The following SRP72 variants were observed in gnomAD, a reference collection of about 807,000 sequenced individuals.
The protein encoded by SRP72 is signal recognition particle subunit SRP72.
Under a neutral mutation model 96.3 loss-of-function variants are expected in SRP72, and 49 were observed. The observed-to-expected ratio is 0.51, with a 90% CI of 0.40 to 0.65. The LOEUF (loss-of-function observed/expected upper bound fraction) is 0.65. Ranked by LOEUF, SRP72 falls within the 30% of genes least tolerant of loss-of-function variation. SRP72 has a pLI of 0.00. For synonymous variants in SRP72, 267 were observed against 275.2 expected, an observed-to-expected ratio of 0.97 and a Z score of 0.30; for missense variants, 736 against 793.3, an observed-to-expected ratio of 0.93 and a Z score of 0.87.
intron 16 of SRP72, among the ~76,000 whole-genome samples, chr4:56,492,106 TGGGCACCACGCCCAG>T: frequency 6.6e-6 from 1 of 152,360 alleles, no homozygotes; most frequent in South Asian, 2.1e-4. Context: ...CCCAAAGTGC[TGGGCACCACGCCCAG>T]TTATTTTTTA....
intron 6 of SRP72, among the ~76,000 whole-genome samples, 155 bp from the exon 7 acceptor site, chr4:56,478,213 ACTTAAACTTCT>A (rs1255214129): frequency 1.5e-5 from 2 of 135,868 alleles, no homozygotes; most frequent in Non-Finnish European, 3.1e-5. Flanking sequence ...TGCTGTTTTC[ACTTAAACTTCT>A]CTCTTGCTGG....
At chr4:56,499,007 T>A (rs371999801) in intron 17 of SRP72, among the ~76,000 whole-genome samples, 1 of 152,146 alleles carries the variant, frequency 6.6e-6, no homozygotes, top group Non-Finnish European at 1.5e-5. Context: ...GCTACCTGAC[T>A]TCAAACTATT....
At chr4:56,477,135 TTTTG>T (rs1303331310) in intron 6 of SRP72, 1 of 153,726 alleles carries the variant, frequency 6.5e-6, no homozygotes, top group East Asian at 1.9e-4. Context: ...TATGTTTTTT[TTTTG>T]TTGTTTGTTT....
chr4:56,476,369 A>G, intron 5 of SRP72: 1 of 378,212 alleles, frequency 2.6e-6, no homozygotes, highest in Non-Finnish European at 4.7e-6. Flanking sequence ...GTTTATTTTT[A>G]TACTTTTCTA....
chr4:56,490,837 G>A (rs1258917941), intron 15 of SRP72, among the ~76,000 whole-genome samples, 192 bp downstream of exon 15: 2 of 152,160 alleles, frequency 1.3e-5, no homozygotes, highest in African/African-American at 4.8e-5. Flanking sequence ...CCAACTTAGG[G>A]TTCAGTTTCA....
chr4:56,500,471 C>A, intron 17 of SRP72, 65 bp from the exon 18 acceptor site: 1 of 1,505,394 alleles, frequency 6.6e-7, no homozygotes. Flanking sequence ...TTAGAGACAT[C>A]GTTTAAACAA....
At chr4:56,498,407 G>C (rs1721152923) in intron 17 of SRP72, among the ~76,000 whole-genome samples, 1 of 152,094 alleles carries the variant, frequency 6.6e-6, no homozygotes, top group Non-Finnish European at 1.5e-5. Context: ...TCAACATAAT[G>C]TTGGAAGTTC....
chr4:56,480,101 G>C (rs1412719327), intron 8 of SRP72, among the ~76,000 whole-genome samples: 6 of 152,140 alleles, frequency 3.9e-5, no homozygotes, highest in Non-Finnish European at 8.8e-5. Flanking sequence ...GAAATGTAGT[G>C]TATCTTTGGA....
In SRP72 at chr4:56,502,480, T is replaced by TC. The variant is rs1721295856; in HGVS notation, c.*619_*620insC. The TC allele has an allele frequency of 9.8e-6, 1 of 102,556 alleles. No individual in the cohort carries two copies. Among genetic ancestry groups the TC allele is most frequent in the Non-Finnish European group, 1.8e-5 (1 of 54,812 alleles). The allele number at this position is 102,556 out of a possible 1,614,324, so 6.4% of individuals were successfully genotyped here. A position where few individuals can be genotyped will look rare whatever the true frequency, so the allele number is the denominator to read the frequency against. On this transcript the variant is annotated 3_prime_UTR_variant, in exon 19 of 19. Coordinates refer to ENST00000642900, the MANE Select transcript of SRP72 (RefSeq NM_006947.4). ...CTTTTCATGTTTATATATATATATA[T>TC]ATGTATATATATATACATATATATA... is the stretch of plus-strand genomic sequence containing the variant.
chr4:56,469,827 A>G (rs79820019), intron 2 of SRP72, 54 bp downstream of exon 2: 2 of 1,461,896 alleles, frequency 1.4e-6, no homozygotes, highest in East Asian at 2.4e-5. Context: ...TACTATAGCT[A>G]TAATCTCTTC....
chr4:56,489,599 C>A, intron 13 of SRP72, 116 bp downstream of exon 13: 1 of 503,090 alleles, frequency 2.0e-6, no homozygotes, highest in South Asian at 4.9e-5. Flanking sequence ...AAGTGGAATA[C>A]TATTTAGATT....
Position 56,500,588 on chromosome 4 carries a change from G to T in SRP72, c.1731G>T (p.Trp577Cys). The T allele has an allele frequency of 6.2e-7, 1 of 1,613,954 alleles. No individual in the cohort carries two copies. The highest frequency in any genetic ancestry group is 8.5e-7 in the Non-Finnish European group (1 of 1,179,914). Residue 577 changes from tryptophan (W) to cysteine (C), a missense_variant, in exon 18 of 19, where the codon TGG (tryptophan) becomes TGT (cysteine). Coordinates refer to ENST00000642900, the MANE Select transcript of SRP72 (RefSeq NM_006947.4). ...AAGTTACCCCAGATCCAGAAAGATG[G>T]CTGCCAATGCGAGAACGTTCTTACT... ...DPKVTPDPER[W>C]LPMRERSYYR...
chr4:56,494,925 T>C (rs1721025783), intron 16 of SRP72, among the ~76,000 whole-genome samples: 1 of 152,202 alleles, frequency 6.6e-6, no homozygotes, highest in Non-Finnish European at 1.5e-5. Flanking sequence ...TAACTTGTTT[T>C]GAATCTCCTT....
At chr4:56,498,729 C>T (rs1017200106) in intron 17 of SRP72, among the ~76,000 whole-genome samples, 51 of 152,184 alleles carry the variant, frequency 3.4e-4, no homozygotes, top group African/African-American at 1.2e-3. Context: ...TGAAGGACCT[C>T]TTCAAGGAGA....
chr4:56,483,924 T>A (rs1720599698), intron 9 of SRP72, among the ~76,000 whole-genome samples: 1 of 152,086 alleles, frequency 6.6e-6, no homozygotes, highest in African/African-American at 2.4e-5. Flanking sequence ...TCACATCAAG[T>A]TATAAATGTT....
chr4:56,500,251 G>A (rs1214717287), intron 17 of SRP72, among the ~76,000 whole-genome samples: 1 of 152,084 alleles, frequency 6.6e-6, no homozygotes, highest in Non-Finnish European at 1.5e-5. Flanking sequence ...AGCATTGGGA[G>A]AAATACCTAA....
rs1432021069 is a variant in SRP72, at chr4:56,500,711, A to C, written c.1838+16A>C. On this transcript the variant is annotated intron_variant, in intron 18 of 18. Coordinates refer to ENST00000642900, the MANE Select transcript of SRP72 (RefSeq NM_006947.4). ...CATCTGAACTGTAAGTTATTGCTCC[A>C]CAATTGAGGGCACTTAGAACATACG... is the stretch of plus-strand genomic sequence containing the variant. 4.4e-6 allele frequency: 7 copies of C among 1,607,296 alleles called. No individual in the cohort carries two copies. Among genetic ancestry groups the C allele is most frequent in the Non-Finnish European group, 5.9e-6 (7 of 1,176,656 alleles).
At chr4:56,477,486 G>T (rs1392391178) in intron 6 of SRP72, among the ~76,000 whole-genome samples, 1 of 151,230 alleles carries the variant, frequency 6.6e-6, no homozygotes, top group African/African-American at 2.4e-5. Context: ...TGGGGGTCTC[G>T]CTGTGTTGAC....
chr4:56,494,690 C>T (rs1221488176), intron 16 of SRP72, among the ~76,000 whole-genome samples: 1 of 152,164 alleles, frequency 6.6e-6, no homozygotes, highest in African/African-American at 2.4e-5. Context: ...AGACGTGAGC[C>T]ACTGTTCCCA....
Sources: gnomAD v4.1 joint callset for allele counts (sites outside exome capture counted in the v4.1 genomes callset) on GRCh38, gnomAD v4.1.1 for gene constraint, MANE v1.5 for transcripts, NCBI Gene and HGNC (gene_info 2026-07-23, HGNC 2026-07-21) for gene names.